The following PFKFB4 variants were observed in gnomAD, a reference collection of about 807,000 sequenced individuals.
PFKFB4 encodes the protein 6-phosphofructo-2-kinase/fructose-2,6-bisphosphatase 4.
Under a neutral mutation model 62.8 loss-of-function variants are expected in PFKFB4, and 42 were observed. The observed-to-expected ratio is 0.67, with a 90% confidence interval of 0.52 to 0.86. The LOEUF (loss-of-function observed/expected upper bound fraction) is 0.86, where lower values mean the gene tolerates loss of function less well. Ranked by LOEUF, PFKFB4 falls within the 40% of genes least tolerant of loss-of-function variation. The pLI, the probability that PFKFB4 is intolerant of heterozygous loss-of-function variation, is 0.00. For synonymous variants in PFKFB4, 204 were observed against 240.7 expected (o/e 0.85, Z 1.41); for missense variants, 475 against 627.2 (o/e 0.76, Z 2.59).
chr3:48,536,490 C>G (rs781320201), intron 7 of PFKFB4, 27 bp from the exon 8 acceptor site: 1 of 1,573,836 alleles, frequency 6.4e-7, no homozygotes, highest in Admixed American at 1.7e-5. Flanking sequence ...TAGAAAGAGG[C>G]CTGTGAGCGT....
intron 9 of PFKFB4, among the ~76,000 whole-genome samples, chr3:48,535,108 G>A (rs958478567): frequency 2.0e-5 from 3 of 152,074 alleles, no homozygotes; most frequent in African/African-American, 7.2e-5. Flanking sequence ...CGCACCTGGC[G>A]AGAACAGCAT....
Position 48,550,134 on chromosome 3 carries a change from A to C in PFKFB4, c.198T>G (p.Ile66Met). The change falls in exon 2 of 14, where the codon ATT (isoleucine) becomes ATG (methionine). Residue 66 changes from isoleucine to methionine, a missense_variant. Ile to Met is a conservative substitution (Grantham distance 10). Transcript: ENST00000232375. ...SKKLTRYLNW[I>M]GVPTREFNVG... ...AAGCCTCACCCCGAGTGGGCACACC[A>C]ATCCAGTTCAGGTATCGAGTCAGCT... The C allele has an allele frequency of 6.2e-7, 1 of 1,613,012 alleles. No individual in the cohort carries two copies. The highest frequency in any genetic ancestry group is 8.5e-7 in the Non-Finnish European group (1 of 1,178,936).
intron 8 of PFKFB4, 65 bp downstream of exon 8, chr3:48,536,191 A>G: frequency 7.0e-7 from 1 of 1,425,160 alleles, no homozygotes; most frequent in African/African-American, 1.4e-5. Flanking sequence ...TCACACATGC[A>G]TATACCCAGC....
rs148961198 is a variant in PFKFB4 at position 48,536,266 on chromosome 3, C to T, written c.830G>A (p.Arg277Gln). 61 of 1,613,322 alleles carry T rather than the reference C, an allele frequency of 3.8e-5. No homozygotes were observed. Among genetic ancestry groups the T allele is most frequent in the Middle Eastern group, 3.4e-4 (2 of 5,962 alleles). Residue 277 changes from arginine to glutamine, a missense_variant, in exon 8 of 14, where the codon CGG (arginine) becomes CAG (glutamine). By Grantham distance (43) the Arg-to-Gln change is conservative (BLOSUM62 1). Coordinates refer to ENST00000232375, the MANE Select transcript of PFKFB4 (RefSeq NM_004567.4). ...RIGGDPGLSP[R>Q]GREFAKSLAQ... is the part of the protein sequence containing the mutation. ...GACACATGCACTGACCTCCCTGCCC[C>T]GAGGGGACAGTCCTGGGTCCCCGCC...
At chr3:48,561,109 T>C, upstream of PFKFB4, 6 of 1,283,574 alleles carry the variant, frequency 4.7e-6, no homozygotes, top group South Asian at 1.3e-5. The surrounding 1 kb of genome is among the most constrained non-coding windows in gnomAD (Gnocchi z 5.2). Flanking sequence ...AACGAGCCTC[T>C]GTCCATCCTG....
chr3:48,556,618 C>T lies in PFKFB4; in HGVS notation c.97+63G>A. On this transcript the variant is annotated intron_variant, in intron 1 of 13. Coordinates refer to ENST00000232375, the MANE Select transcript of PFKFB4 (RefSeq NM_004567.4). This position sits in a 1 kb window ranked among gnomAD's most constrained non-coding sequence, Gnocchi z 5.7. ...CCCTTCTCCATGCGAGACCCCCGCC[C>T]AGGCCGCCCTACCCACCCATCCCGG... The T allele has an allele frequency of 1.3e-6, 2 of 1,494,236 alleles. No individual in the cohort carries two copies. The highest frequency in any genetic ancestry group is 1.8e-6 in the Non-Finnish European group (2 of 1,098,058). 92.6% of individuals were successfully genotyped at this position (1,494,236 alleles called of 1,614,324 possible).
intron 7 of PFKFB4, 27 bp downstream of exon 7, chr3:48,538,465 ACAGCTG>A: frequency 6.2e-7 from 1 of 1,608,602 alleles, no homozygotes; most frequent in East Asian, 2.2e-5. Context: ...GCCCACCATC[ACAGCTG>A]CAGGGCCTGG....
At chr3:48,538,048 C>T (rs577851532) in intron 7 of PFKFB4, among the ~76,000 whole-genome samples, 30 of 152,272 alleles carry the variant, frequency 2.0e-4, no homozygotes, top group African/African-American at 6.7e-4. Flanking sequence ...CGAACTCAGC[C>T]GTGGGCTGTT....
chr3:48,537,220 G>A (rs942684915), intron 7 of PFKFB4, among the ~76,000 whole-genome samples: 2 of 152,178 alleles, frequency 1.3e-5, no homozygotes, highest in Non-Finnish European at 1.5e-5. Flanking sequence ...CTCACTGTCT[G>A]GACCTTGGGA....
At chr3:48,534,962 C>T (rs144857209) in intron 9 of PFKFB4, among the ~76,000 whole-genome samples, 1 of 152,234 alleles carries the variant, frequency 6.6e-6, no homozygotes, top group Non-Finnish European at 1.5e-5. Context: ...GTACCCACCA[C>T]CATGCCTGGC....
chr3:48,542,534 C>T (rs773912941), intron 4 of PFKFB4, among the ~76,000 whole-genome samples: 1 of 151,688 alleles, frequency 6.6e-6, no homozygotes, highest in African/African-American at 2.4e-5. Flanking sequence ...ACCTGGAGAA[C>T]AAGAGTGTTA....
intron 3 of PFKFB4, among the ~76,000 whole-genome samples, chr3:48,548,842 C>A (rs193134001): frequency 1.3e-5 from 2 of 152,322 alleles, no homozygotes; most frequent in Non-Finnish European, 2.9e-5. Flanking sequence ...CACAGCCTGG[C>A]CCAGCCACAC....
At chr3:48,522,081 A>G (rs369380337) in intron 12 of PFKFB4, 31 bp from the exon 13 acceptor site, 3 of 1,605,112 alleles carry the variant, frequency 1.9e-6, no homozygotes, top group South Asian at 1.1e-5. Context: ...ATCCATCCCC[A>G]CTCCTGAAAG....
At chr3:48,537,281 G>A (rs1002731250) in intron 7 of PFKFB4, among the ~76,000 whole-genome samples, 5 of 152,124 alleles carry the variant, frequency 3.3e-5, no homozygotes, top group African/African-American at 4.8e-5. Flanking sequence ...CAAGAGCAAC[G>A]CTTACTGACA....
chr3:48,518,655 C>T lies in PFKFB4; in HGVS notation c.*1092G>A, dbSNP rs530264274. ...GCTGTGCTGCGGCCGGGAAAATCCT[C>T]CCTTGCCCAGGGACTGCCTATGGGT... On this transcript the variant is annotated 3_prime_UTR_variant, in exon 14 of 14. Coordinates refer to ENST00000232375, the MANE Select transcript of PFKFB4 (RefSeq NM_004567.4). The T allele has an allele frequency of 6.6e-6, 1 of 152,412 alleles. No individual in the cohort carries two copies. Among genetic ancestry groups the T allele is most frequent in the East Asian group, 1.9e-4 (1 of 5,184 alleles). The allele number at this position is 152,412 out of a possible 1,614,324, so 9.4% of individuals were successfully genotyped here.
intron 2 of PFKFB4, 65 bp from the exon 3 acceptor site, chr3:48,550,025 C>G (rs1329410698): frequency 1.5e-5 from 22 of 1,429,326 alleles, no homozygotes; most frequent in Non-Finnish European, 2.1e-5. Flanking sequence ...GACCTTGACC[C>G]AACCCCAGGC....
intron 1 of PFKFB4, among the ~76,000 whole-genome samples, chr3:48,551,431 G>T (rs1208608525): frequency 6.8e-6 from 1 of 147,966 alleles, no homozygotes. Context: ...GGTCAGGCTG[G>T]TCTCAAAACT....
At chr3:48,538,204 T>C (rs1321588589) in intron 7 of PFKFB4, among the ~76,000 whole-genome samples, 1 of 152,224 alleles carries the variant, frequency 6.6e-6, no homozygotes, top group African/African-American at 2.4e-5. Flanking sequence ...CTCTGATCTT[T>C]GACAGAAAAT....
chr3:48,521,950 A>G lies in PFKFB4; in HGVS notation c.1350+36T>C. The G allele has an allele frequency of 6.3e-7, 1 of 1,585,292 alleles. No individual in the cohort carries two copies. Among genetic ancestry groups the G allele is most frequent in the Non-Finnish European group, 8.7e-7 (1 of 1,153,798 alleles). ...GCAGTCTGGACACCCCCACATCAGG[A>G]ACACCCCGCTACCCCAGCAGTGACC... On this transcript the variant is annotated intron_variant, in intron 13 of 13. Coordinates refer to ENST00000232375, the MANE Select transcript of PFKFB4 (RefSeq NM_004567.4). The surrounding 1 kb of genome is among the most constrained non-coding windows in gnomAD (Gnocchi z 5.3).
Sources: gnomAD v4.1 joint callset for allele counts (sites outside exome capture counted in the v4.1 genomes callset) on GRCh38, gnomAD v4.1.1 for gene constraint, Gnocchi (gnomAD v3.1) non-coding constraint, MANE v1.5 for transcripts, NCBI Gene and HGNC (gene_info 2026-07-23, HGNC 2026-07-21) for gene names.